The following STK32C variants were observed in gnomAD, a reference collection of about 807,000 sequenced individuals.
STK32C encodes serine/threonine-protein kinase 32C.
A neutral mutation model predicts 56.5 loss-of-function variants in STK32C; 31 were observed. The ratio of observed to expected loss-of-function variants is 0.55; its 90% CI spans 0.41 to 0.74. The LOEUF is 0.74. Ranked by LOEUF, STK32C falls within the 30% of genes least tolerant of loss-of-function variation. The pLI is 0.00. For missense variants in STK32C, 544 were observed against 676.9 expected (o/e 0.80, Z 2.18); for synonymous variants, 309 against 289.4 (o/e 1.07, Z -0.69).
chr10:132,259,886 G>T (rs2064247985), intron 1 of STK32C, among the ~76,000 whole-genome samples: 1 of 152,198 alleles, frequency 6.6e-6, no homozygotes. Context: ...CCTGAATGAA[G>T]GAACTGTGTG....
intron 1 of STK32C, among the ~76,000 whole-genome samples, chr10:132,249,377 C>G (rs1479905834): frequency 1.3e-5 from 2 of 152,176 alleles, no homozygotes; most frequent in East Asian, 3.8e-4. Flanking sequence ...GACAGCCATG[C>G]AGATGCTGCT....
At chr10:132,264,083 G>T (rs1256206010) in intron 1 of STK32C, among the ~76,000 whole-genome samples, 1 of 152,038 alleles carries the variant, frequency 6.6e-6, no homozygotes, top group African/African-American at 2.4e-5. Flanking sequence ...GCTGGGGCAG[G>T]CGGTGGCGAC....
intron 4 of STK32C, among the ~76,000 whole-genome samples, chr10:132,226,383 C>T: frequency 6.6e-6 from 1 of 152,210 alleles, no homozygotes; most frequent in East Asian, 1.9e-4. Flanking sequence ...AGAGCCATCA[C>T]ACCAGCTCTG....
upstream of STK32C, among the ~76,000 whole-genome samples, chr10:132,309,953 T>C (rs1350259566): frequency 6.6e-6 from 1 of 152,188 alleles, no homozygotes; most frequent in Non-Finnish European, 1.5e-5. Flanking sequence ...GAAAGCTGAC[T>C]CTGAAGATTG....
chr10:132,331,480 A>C (rs1268057248), exon 1 of STK32C: 1 of 1,612,402 alleles, frequency 6.2e-7, no homozygotes, highest in Non-Finnish European at 8.5e-7. Context: ...AGGCAGCCTT[A>C]CTTCTCCAAA....
At chr10:132,227,339 C>T (rs947342439) in intron 3 of STK32C, among the ~76,000 whole-genome samples, 1 of 152,228 alleles carries the variant, frequency 6.6e-6, no homozygotes, top group South Asian at 2.1e-4. Flanking sequence ...GAAAATGAGG[C>T]CGTGTAGGTA....
At chr10:132,220,191 G>C (rs2137641633) in intron 10 of STK32C, among the ~76,000 whole-genome samples, 1 of 152,362 alleles carries the variant, frequency 6.6e-6, no homozygotes, top group East Asian at 1.9e-4. Context: ...TCCAATGCCT[G>C]GTGTCCTTAT....
intron 1 of STK32C, among the ~76,000 whole-genome samples, chr10:132,248,015 C>T (rs1027392350): frequency 6.6e-6 from 1 of 152,164 alleles, no homozygotes; most frequent in Non-Finnish European, 1.5e-5. Flanking sequence ...CCTCCACGAG[C>T]CCCCGTTCCA....
upstream of STK32C, among the ~76,000 whole-genome samples, chr10:132,309,156 C>A (rs920716666): frequency 2.0e-5 from 3 of 152,172 alleles, no homozygotes; most frequent in Non-Finnish European, 4.4e-5. Flanking sequence ...CCCTGTCATT[C>A]AGCCACTGTG....
At chr10:132,262,221 T>C (rs978031063) in intron 1 of STK32C, among the ~76,000 whole-genome samples, 8 of 152,158 alleles carry the variant, frequency 5.3e-5, no homozygotes, top group Admixed American at 2.0e-4. Flanking sequence ...TAAATGGTGC[T>C]GGGAGAGCCG....
chr10:132,265,069 G>A (rs921620529), intron 1 of STK32C, among the ~76,000 whole-genome samples: 9 of 147,976 alleles, frequency 6.1e-5, no homozygotes, highest in African/African-American at 2.3e-4. Context: ...GGCCGCAAGG[G>A]CGGTGAGGTG....
chr10:132,307,772 G>C lies in STK32C; in HGVS notation c.62C>G (p.Pro21Arg), dbSNP rs1349951274. Residue 21 changes from proline (P) to arginine (R), a missense_variant, in exon 1 of 12, where the codon CCC becomes CGC. Around this residue, in one of 3 missense-constraint regions of STK32C, gnomAD observed 182 missense variants for 217.7 expected, o/e 0.84. Coordinates refer to ENST00000298630, the MANE Select transcript of STK32C (RefSeq NM_173575.4). The surrounding 1 kb of genome is among the most constrained non-coding windows in gnomAD (Gnocchi z 4.4). ...SAAASPGSPP[P>R]GRARPAGSDA... ...GGAGCCGGCGGGGCGCGCGCGGCCG[G>C]GGGGCGGCGAGCCCGGGGACGCCGC... 1 of 996,938 alleles carries C rather than the reference G, an allele frequency of 1.0e-6. No individual in the cohort carries two copies. Among genetic ancestry groups the C allele is most frequent in the South Asian group, 4.5e-5 (1 of 22,230 alleles). The allele number at this position is 996,938 out of a possible 1,614,324, so 61.8% of individuals were successfully genotyped here.
intron 1 of STK32C, among the ~76,000 whole-genome samples, chr10:132,314,626 A>G (rs1055268928): frequency 6.6e-6 from 1 of 152,254 alleles, no homozygotes; most frequent in Non-Finnish European, 1.5e-5. Flanking sequence ...TTAAATATAA[A>G]GATGAATTAT....
upstream of STK32C, chr10:132,307,987 GGGGCGGGGCAGGGGCGGGGC>G (rs2066135006): frequency 1.0e-6 from 1 of 992,722 alleles, no homozygotes. The surrounding 1 kb of genome is among the most constrained non-coding windows in gnomAD (Gnocchi z 4.4). Context: ...GCGAGCGCTG[GGGGCGGGGCAGGGGCGGGGC>G]TTCTGGAAGG....
At chr10:132,211,513 A>C (rs1459870717) in intron 10 of STK32C, among the ~76,000 whole-genome samples, 5 of 152,242 alleles carry the variant, frequency 3.3e-5, no homozygotes, top group African/African-American at 9.6e-5. Flanking sequence ...GCAGCGCCCA[A>C]GCCGGGCTGT....
intron 1 of STK32C, among the ~76,000 whole-genome samples, chr10:132,260,297 C>T (rs762970917): frequency 1.1e-4 from 16 of 152,168 alleles, no homozygotes; most frequent in Non-Finnish European, 1.9e-4. Flanking sequence ...GAGTCCGGCC[C>T]GGGGTCCTCG....
At chr10:132,299,940 G>C (rs1590441971) in intron 1 of STK32C, among the ~76,000 whole-genome samples, 1 of 152,232 alleles carries the variant, frequency 6.6e-6, no homozygotes, top group East Asian at 1.9e-4. Flanking sequence ...CTGGCACAGG[G>C]AGAGGCAGAG....
chr10:132,280,812 C>T (rs1320579844), intron 1 of STK32C, among the ~76,000 whole-genome samples: 3 of 145,496 alleles, frequency 2.1e-5, no homozygotes, highest in Non-Finnish European at 4.5e-5. Flanking sequence ...GATCACACCA[C>T]CTGCGCTCCA....
At chr10:132,311,604 A>G (rs74161775), upstream of STK32C, among the ~76,000 whole-genome samples, 1,165 of 152,352 alleles carry the variant, frequency 7.6e-3, 24 homozygotes, top group African/African-American at 0.026. This position sits in a 1 kb window ranked among gnomAD's most constrained non-coding sequence, Gnocchi z 4.4. Context: ...GGCTGCAGCC[A>G]CTAGGAAGGA....
Sources: allele counts gnomAD v4.1 joint callset (sites outside exome capture counted in the v4.1 genomes callset), GRCh38; gene constraint gnomAD v4.1.1; regional missense constraint gnomAD v4.1.1; non-coding constraint Gnocchi (gnomAD v3.1); transcripts MANE v1.5; gene names NCBI Gene and HGNC (gene_info 2026-07-23, HGNC 2026-07-21).